The following ATP8A2 variants were observed in gnomAD, a reference collection of about 807,000 sequenced individuals.
The protein encoded by ATP8A2 is ATPase phospholipid transporting 8A2.
In ATP8A2, 100 loss-of-function variants were observed where a neutral mutation model predicts 165.6. The observed-to-expected ratio is 0.60, with a 90% CI of 0.51 to 0.71. The LOEUF (loss-of-function observed/expected upper bound fraction) is 0.71. ATP8A2 is among the 30% of genes least tolerant of loss of function. The pLI is 0.00. For missense variants in ATP8A2, 1,227 were observed against 1,479.5 expected (o/e 0.83, Z 2.80); for synonymous variants, 543 against 548.8 (o/e 0.99, Z 0.15).
chr13:25,679,444 T>A (rs969281071), intron 24 of ATP8A2, among the ~76,000 whole-genome samples: 1 of 152,180 alleles, frequency 6.6e-6, no homozygotes, highest in Non-Finnish European at 1.5e-5. Context: ...TTGGGGCAGA[T>A]AATGCGATTT....
At chr13:25,695,883 T>G (rs1251861888) in intron 24 of ATP8A2, among the ~76,000 whole-genome samples, 1 of 152,206 alleles carries the variant, frequency 6.6e-6, no homozygotes, top group Non-Finnish European at 1.5e-5. Flanking sequence ...CCTCCTCCCA[T>G]GAATCATAGG....
chr13:25,675,905 A>G (rs1340176505), intron 24 of ATP8A2, among the ~76,000 whole-genome samples: 2 of 152,212 alleles, frequency 1.3e-5, no homozygotes, highest in Non-Finnish European at 1.5e-5. Flanking sequence ...TAGAAACCAA[A>G]TTAACATAAT....
chr13:25,925,880 C>G (rs1409383603), intron 33 of ATP8A2, among the ~76,000 whole-genome samples: 4 of 151,886 alleles, frequency 2.6e-5, no homozygotes, highest in Non-Finnish European at 5.9e-5. Context: ...GGCGCGCCAC[C>G]ATGCCTGCCT....
chr13:25,827,962 A>G (rs934811994), intron 27 of ATP8A2, among the ~76,000 whole-genome samples, 156 bp from the exon 28 acceptor site: 2 of 152,184 alleles, frequency 1.3e-5, no homozygotes, highest in South Asian at 2.1e-4. Context: ...TCGGGAATCT[A>G]TGTTTTATAA....
chr13:25,840,647 G>GA (rs538432978), intron 30 of ATP8A2, among the ~76,000 whole-genome samples: 97 of 152,210 alleles, frequency 6.4e-4, no homozygotes, highest in African/African-American at 2.3e-3. Flanking sequence ...CTTTTAACTT[G>GA]AAACCCTTCT....
At chr13:25,513,446 C>G (rs545747485) in intron 2 of ATP8A2, among the ~76,000 whole-genome samples, 5 of 149,362 alleles carry the variant, frequency 3.3e-5, no homozygotes, top group Non-Finnish European at 6.0e-5. Flanking sequence ...TGATGGCGGC[C>G]GGGAAGAGGC....
chr13:25,980,876 T>C (rs1219300109), intron 35 of ATP8A2, among the ~76,000 whole-genome samples: 1 of 152,142 alleles, frequency 6.6e-6, no homozygotes, highest in Non-Finnish European at 1.5e-5. Flanking sequence ...TAGCAAGACC[T>C]GGTTTCTAAA....
intron 24 of ATP8A2, among the ~76,000 whole-genome samples, chr13:25,629,295 A>G (rs1048821801): frequency 2.0e-5 from 3 of 152,208 alleles, no homozygotes; most frequent in South Asian, 2.1e-4. Flanking sequence ...ATAGAATAGC[A>G]AATCATATCA....
At chr13:25,488,065 A>C (rs1275189155) in intron 2 of ATP8A2, among the ~76,000 whole-genome samples, 1 of 152,196 alleles carries the variant, frequency 6.6e-6, no homozygotes, top group Non-Finnish European at 1.5e-5. Flanking sequence ...AGATGCAAAA[A>C]TGCCTAGGAC....
At chr13:25,950,382 T>C (rs1281230087) in intron 33 of ATP8A2, among the ~76,000 whole-genome samples, 1 of 151,944 alleles carries the variant, frequency 6.6e-6, no homozygotes, top group Non-Finnish European at 1.5e-5. Flanking sequence ...AGGAGAAAAA[T>C]AGGAAATTAA....
chr13:25,531,206 ATATGT>A (rs2038035633), intron 4 of ATP8A2, among the ~76,000 whole-genome samples: 5 of 143,008 alleles, frequency 3.5e-5, no homozygotes, highest in African/African-American at 1.3e-4. Flanking sequence ...TATATATGAT[ATATGT>A]TATATATGAT....
In ATP8A2 at chr13:25,429,387, A is replaced by AG. The variant is rs1227773670; in HGVS notation, c.77-39590_77-39589insG. ...ACTCCATCTTAAAAAAAAAAAAAAA[A>AG]AAAAAAAAAAAAAGAAGTAATCTTG... On this transcript the variant is annotated intron_variant, in intron 1 of 36. Transcript: ENST00000381655. Among the ~76,000 whole-genome samples, 8 of 71,302 alleles carry AG rather than the reference A, an allele frequency of 1.1e-4. No individual in the cohort carries two copies. The South Asian group carries it at 1.3e-3, about 12-fold the overall frequency. The allele number at this position is 71,302 out of a possible 152,430, so 46.8% of individuals were successfully genotyped here.
intron 28 of ATP8A2, among the ~76,000 whole-genome samples, chr13:25,830,319 G>T (rs1254957088): frequency 1.3e-5 from 2 of 152,070 alleles, no homozygotes; most frequent in African/African-American, 2.4e-5. Flanking sequence ...TCTAGTTATT[G>T]TTATGCATGA....
chr13:25,379,605 T>C (rs2032763948), intron 1 of ATP8A2, among the ~76,000 whole-genome samples: 2 of 152,224 alleles, frequency 1.3e-5, no homozygotes, highest in Non-Finnish European at 2.9e-5. Flanking sequence ...GTTGTCTTTA[T>C]TCTAATGCAT....
At chr13:25,791,146 C>G (rs985293192) in intron 27 of ATP8A2, among the ~76,000 whole-genome samples, 6 of 152,092 alleles carry the variant, frequency 3.9e-5, no homozygotes, top group African/African-American at 1.4e-4. Context: ...AAATGCCCAT[C>G]AATGATAGAC....
At chr13:25,591,055 T>C (rs560569793) in intron 24 of ATP8A2, among the ~76,000 whole-genome samples, 1 of 152,080 alleles carries the variant, frequency 6.6e-6, no homozygotes, top group Non-Finnish European at 1.5e-5. Flanking sequence ...AAATCTCTCC[T>C]CTACCCAAGT....
intron 33 of ATP8A2, among the ~76,000 whole-genome samples, chr13:25,960,610 A>G (rs1241250315): frequency 6.6e-6 from 1 of 151,996 alleles, no homozygotes; most frequent in Non-Finnish European, 1.5e-5. Context: ...CAGCCTCCCA[A>G]TTCCTAGCCA....
chr13:25,691,274 A>G (rs1407465624), intron 24 of ATP8A2, among the ~76,000 whole-genome samples: 1 of 152,172 alleles, frequency 6.6e-6, no homozygotes, highest in African/African-American at 2.4e-5. Flanking sequence ...GGCCGGGGTT[A>G]CCTGACTCTG....
At chr13:25,465,750 T>TCC (rs369969041) in intron 1 of ATP8A2, among the ~76,000 whole-genome samples, 2,953 of 38,762 alleles carry the variant, frequency 0.076, 1,071 homozygotes, top group East Asian at 0.33. Flanking sequence ...CCTCCCTCCC[T>TCC]CTCTCTCTCT....
Sources: gnomAD v4.1 joint callset for allele counts (sites outside exome capture counted in the v4.1 genomes callset) on GRCh38, gnomAD v4.1.1 for gene constraint, MANE v1.5 for transcripts, NCBI Gene and HGNC (gene_info 2026-07-23, HGNC 2026-07-21) for gene names.